Variants in SNX4 observed in about 807,000 individuals in gnomAD.
SNX4 encodes sorting nexin-4.
In SNX4, 49 loss-of-function variants were observed where a neutral mutation model predicts 70.8. That is an observed-to-expected ratio of 0.69 (90% CI 0.55 to 0.88). The LOEUF is 0.88. Ranked by LOEUF, SNX4 falls within the 40% of genes least tolerant of loss-of-function variation. The pLI is 0.00. For synonymous variants in SNX4, 206 were observed against 183.8 expected (o/e 1.12, Z -0.98); for missense variants, 528 against 544.8 (o/e 0.97, Z 0.31).
At position 125,497,840 on chromosome 3, in the gene SNX4, T is replaced by C; in HGVS notation, c.543A>G (p.Leu181=). 6.3e-7 allele frequency: 1 copy of C among 1,599,058 alleles called. No homozygotes were observed. Among genetic ancestry groups the C allele is most frequent in the Non-Finnish European group, 8.5e-7 (1 of 1,175,612 alleles). The part of the protein sequence containing the change: ...LCRDKIFYLF[L]TQEGNWKETV... Reference sequence around the variant, plus strand: ...CTAAATAAAAGAAAAATACCTGTGTTAAAAACAGATAGAAGATTTTGTCTC... The same window carrying C: ...CTAAATAAAAGAAAAATACCTGTGTCAAAAACAGATAGAAGATTTTGTCTC... The change falls in exon 4 of 14, where the codon TTA becomes TTG. Residue 181 remains leucine (L), a synonymous_variant. Coordinates refer to ENST00000251775, the MANE Select transcript of SNX4 (RefSeq NM_003794.4).
At chr3:125,519,729 C>T (rs560254124) in intron 1 of SNX4, among the ~76,000 whole-genome samples, 1 of 152,280 alleles carries the variant, frequency 6.6e-6, no homozygotes, top group East Asian at 1.9e-4. Context: ...CATCCGGGGC[C>T]CAGACCCCCA....
At chr3:125,504,332 C>CAAAAAAAA (rs759738129) in intron 2 of SNX4, among the ~76,000 whole-genome samples, 1 of 60,176 alleles carries the variant, frequency 1.7e-5, no homozygotes. Flanking sequence ...GACTCCATCT[C>CAAAAAAAA]AAAAAAAAAA....
intron 1 of SNX4, among the ~76,000 whole-genome samples, chr3:125,510,582 T>A (rs1350508030): frequency 6.6e-6 from 1 of 152,156 alleles, no homozygotes; most frequent in Non-Finnish European, 1.5e-5. Flanking sequence ...CCATTCATCC[T>A]TAAAAAGGAA....
intron 6 of SNX4, 150 bp downstream of exon 6, chr3:125,489,258 A>G (rs1000257967): frequency 1.7e-6 from 1 of 603,850 alleles, no homozygotes; most frequent in Admixed American, 3.4e-5. Flanking sequence ...CAAATTTCAA[A>G]TTCAGTTTTA....
chr3:125,448,802 A>C (rs112712925), intron 13 of SNX4, among the ~76,000 whole-genome samples: 2 of 150,810 alleles, frequency 1.3e-5, no homozygotes, highest in East Asian at 3.9e-4. Context: ...CAGCCTCCCA[A>C]GTAGCTGGGA....
intron 12 of SNX4, 74 bp from the exon 13 acceptor site, chr3:125,451,493 ATTGGCGTTGGTTTTTAAT>A: frequency 9.3e-7 from 1 of 1,072,566 alleles, no homozygotes; most frequent in South Asian, 1.5e-5. Flanking sequence ...ACCAGTTCTC[ATTGGCGTTGGTTTTTAAT>A]TGCCTATGTA....
Position 125,495,277 on chromosome 3 carries a change from T to TATATATATATATATATATATACACACAC in SNX4, c.597+2063_597+2064insGTGTGTGTATATATATATATATATATAT. On this transcript the variant is annotated intron_variant, in intron 5 of 13. Transcript: ENST00000251775. ...ATATATATATATATATATATATATA[T>TATATATATATATATATATATACACACAC]ACACATACACACACACACACGTATG... 1.4e-4 allele frequency among the ~76,000 whole-genome samples: 14 copies of TATATATATATATATATATATACACACAC among 99,612 alleles called. No individual in the cohort carries two copies. In the Admixed American group the frequency reaches 1.6e-3, roughly 11 times the overall value. The allele number at this position is 99,612 out of a possible 152,430, so 65.3% of individuals were successfully genotyped here.
At chr3:125,449,777 A>AG (rs1320652471) in intron 13 of SNX4, among the ~76,000 whole-genome samples, 2 of 152,206 alleles carry the variant, frequency 1.3e-5, no homozygotes, top group African/African-American at 4.8e-5. Context: ...AACAAAACGG[A>AG]GGGGGAAAGT....
chr3:125,470,946 G>C (rs1934153758), intron 8 of SNX4, among the ~76,000 whole-genome samples: 1 of 152,178 alleles, frequency 6.6e-6, no homozygotes, highest in Non-Finnish European at 1.5e-5. Flanking sequence ...TACTCAGTCA[G>C]GCAGCTGATC....
intron 6 of SNX4, among the ~76,000 whole-genome samples, chr3:125,487,942 T>C (rs1934567386): frequency 6.6e-6 from 1 of 151,870 alleles, no homozygotes; most frequent in Admixed American, 6.6e-5. Flanking sequence ...CAACACCAAG[T>C]GTGAACCCTA....
chr3:125,476,443 T>G (rs897821793), intron 8 of SNX4, among the ~76,000 whole-genome samples: 6 of 151,950 alleles, frequency 3.9e-5, no homozygotes, highest in African/African-American at 1.4e-4. Flanking sequence ...TGGTGGCGCA[T>G]GCCTGTAATC....
chr3:125,484,317 C>T lies in SNX4; in HGVS notation c.654-3998G>A, dbSNP rs60275550. Among the ~76,000 whole-genome samples, 659 of 152,276 alleles carry T rather than the reference C, an allele frequency of 4.3e-3. 2 individuals carry two copies. The highest frequency in any genetic ancestry group is 0.015 in the African/African-American group (633 of 41,562). The stretch of plus-strand genomic sequence containing the variant: ...TCACCCAGCCTGGAGTGCAGTGGCA[C>T]GATCTTGGCTCACTGCAACCTCTGC... On this transcript the variant is annotated intron_variant, in intron 6 of 13. Coordinates refer to ENST00000251775, the MANE Select transcript of SNX4 (RefSeq NM_003794.4).
At chr3:125,493,676 A>T (rs1444841019) in intron 5 of SNX4, among the ~76,000 whole-genome samples, 1 of 151,588 alleles carries the variant, frequency 6.6e-6, no homozygotes, top group African/African-American at 2.4e-5. Context: ...AAGAAAGAAA[A>T]AAAGAAACTA....
intron 1 of SNX4, among the ~76,000 whole-genome samples, chr3:125,510,668 A>T (rs1352219659): frequency 2.6e-5 from 4 of 152,266 alleles, no homozygotes; most frequent in Non-Finnish European, 4.4e-5. Context: ...AAACAGTCAC[A>T]TAAAGACAAA....
chr3:125,473,575 C>T lies in SNX4; in HGVS notation c.788+3120G>A, dbSNP rs1183425109. ...GATTACAGGCACACGCCATCATGCC[C>T]GGCTAATTTTTGTATTTTTAGTAGA... is the stretch of plus-strand genomic sequence containing the variant. On this transcript the variant is annotated intron_variant, in intron 8 of 13. Coordinates refer to ENST00000251775, the MANE Select transcript of SNX4 (RefSeq NM_003794.4). Among the ~76,000 whole-genome samples the T allele has an allele frequency of 5.3e-5, 8 of 152,106 alleles. No homozygotes were observed. The East Asian group carries it at 5.8e-4, about 11-fold the overall frequency.
intron 5 of SNX4, among the ~76,000 whole-genome samples, chr3:125,490,072 T>C (rs1054638827): frequency 6.6e-6 from 1 of 151,562 alleles, no homozygotes; most frequent in African/African-American, 2.4e-5. Flanking sequence ...GAGGTTGCAG[T>C]GAATTGAGAT....
chr3:125,453,992 A>C (rs781455344), intron 11 of SNX4, 37 bp from the exon 12 acceptor site: 1 of 1,579,842 alleles, frequency 6.3e-7, no homozygotes, highest in South Asian at 1.1e-5. Flanking sequence ...GGATAAACAA[A>C]ATGCGGCATA....
intron 12 of SNX4, 126 bp downstream of exon 12, chr3:125,453,684 G>T: frequency 1.1e-6 from 1 of 871,980 alleles, no homozygotes; most frequent in Non-Finnish European, 1.7e-6. Context: ...CATTTTAAAG[G>T]AATAGGCTGT....
At chr3:125,452,496 C>T (rs1053251254) in intron 12 of SNX4, among the ~76,000 whole-genome samples, 1 of 152,138 alleles carries the variant, frequency 6.6e-6, no homozygotes, top group Non-Finnish European at 1.5e-5. Flanking sequence ...ATGGGAGGAT[C>T]ACTTGAGCCC....
Sources: allele counts gnomAD v4.1 joint callset (sites outside exome capture counted in the v4.1 genomes callset), GRCh38; gene constraint gnomAD v4.1.1; transcripts MANE v1.5; gene names NCBI Gene and HGNC (gene_info 2026-07-23, HGNC 2026-07-21).